Variants in HERC2 observed in about 807,000 individuals in gnomAD.
HERC2 encodes HECT and RLD domain containing E3 ubiquitin protein ligase 2.
A neutral mutation model predicts 537.7 loss-of-function variants in HERC2; 102 were observed. The observed-to-expected ratio is 0.19, with a 90% confidence interval of 0.16 to 0.22. The LOEUF (loss-of-function observed/expected upper bound fraction) is 0.22. HERC2 is among the 10% of genes least tolerant of loss of function. The probability of loss-of-function intolerance (pLI) is 1.00; values close to 1 mark genes in which losing one functional copy is unlikely to be tolerated. For missense variants in HERC2, 4,236 were observed against 6,198.2 expected, an observed-to-expected ratio of 0.68 and a Z score of 10.63; for synonymous variants, 2,224 against 2,466.2, an observed-to-expected ratio of 0.90 and a Z score of 2.91.
At chr15:28,274,473 G>GC (rs758809724) in intron 6 of HERC2, 26 bp from the exon 7 acceptor site, 39 of 1,580,988 alleles carry the variant, frequency 2.5e-5, no homozygotes, top group South Asian at 1.6e-4. Context: ...CGTCAGAGGA[G>GC]CCCCCCCACT....
Position 28,141,750 on chromosome 15 carries a change from G to C in HERC2, c.11797C>G (p.Leu3933Val), listed in dbSNP as rs1401408632. The C allele has an allele frequency of 6.2e-7, 1 of 1,614,104 alleles. No individual in the cohort carries two copies. Among genetic ancestry groups the C allele is most frequent in the Non-Finnish European group, 8.5e-7 (1 of 1,179,942 alleles). ...DIFKREQDEQ[L>V]VQWMNRRPDD... The stretch of plus-strand genomic sequence containing the variant: ...AATAACCTGTTCATCCACTGCACAA[G>C]TTGTTCGTCTTGCTCTCTTTTAAAA... Residue 3933 changes from leucine to valine, a missense_variant, in exon 77 of 93, where the codon CTT becomes GTT. By Grantham distance (32) the Leu-to-Val change is conservative (BLOSUM62 1). Transcript: ENST00000261609.
chr15:28,264,923 G>A (rs563227322), intron 14 of HERC2, among the ~76,000 whole-genome samples: 8 of 152,116 alleles, frequency 5.3e-5, no homozygotes, highest in Non-Finnish European at 8.8e-5. Context: ...CAGCAGGACC[G>A]ACATACAGGG....
chr15:28,257,311 G>C, intron 16 of HERC2, 50 bp from the exon 17 acceptor site: 3 of 1,530,158 alleles, frequency 2.0e-6, no homozygotes, highest in Non-Finnish European at 2.7e-6. Context: ...GCAGCTGCTG[G>C]TCTGCTCCAC....
At chr15:28,240,634 T>C (rs956207091) in intron 23 of HERC2, among the ~76,000 whole-genome samples, 13 of 151,918 alleles carry the variant, frequency 8.6e-5, no homozygotes, top group Admixed American at 7.9e-4. Flanking sequence ...GCAAGAAAAA[T>C]AGCAGATTAA....
At chr15:28,117,236 G>T in intron 86 of HERC2, 82 bp from the exon 87 acceptor site, 1 of 1,382,884 alleles carries the variant, frequency 7.2e-7, no homozygotes, top group Non-Finnish European at 1.0e-6. Context: ...ACTGGCGAAT[G>T]CACGAGGAGG....
chr15:28,224,166 C>CACACACACACACACAGAG (rs748053596), intron 35 of HERC2, among the ~76,000 whole-genome samples: 31 of 147,754 alleles, frequency 2.1e-4, no homozygotes, highest in African/African-American at 7.0e-4. Context: ...CACACACACA[C>CACACACACACACACAGAG]AGAGAGAGAG....
intron 65 of HERC2, 46 bp from the exon 66 acceptor site, chr15:28,169,701 T>C (rs1382326101): frequency 6.4e-7 from 1 of 1,564,588 alleles, no homozygotes; most frequent in Non-Finnish European, 8.7e-7. Flanking sequence ...AATCACAGTT[T>C]GATCTATTTC....
At chr15:28,307,136 G>C (rs185962561) in intron 2 of HERC2, among the ~76,000 whole-genome samples, 41 of 152,256 alleles carry the variant, frequency 2.7e-4, no homozygotes, top group Admixed American at 8.5e-4. Flanking sequence ...CGCCCGGCCT[G>C]CAAACTTATC....
At chr15:28,313,192 ATTTTT>A (rs57465951) in intron 2 of HERC2, among the ~76,000 whole-genome samples, 1 of 95,142 alleles carries the variant, frequency 1.1e-5, no homozygotes, top group Non-Finnish European at 2.2e-5. Flanking sequence ...CAGTTAAGGC[ATTTTT>A]TTTTTTTTTT....
At chr15:28,117,947 A>T (rs980219025) in intron 86 of HERC2, 3 of 243,052 alleles carry the variant, frequency 1.2e-5, no homozygotes, top group Non-Finnish European at 2.4e-5. Flanking sequence ...AGAAAAATTG[A>T]AGAAAAAATG....
At chr15:28,272,507 A>G in intron 8 of HERC2, 121 bp from the exon 9 acceptor site, 1 of 901,506 alleles carries the variant, frequency 1.1e-6, no homozygotes, top group Non-Finnish European at 1.7e-6. Context: ...TTGAAAGGAA[A>G]CTAAACTAAA....
chr15:28,277,985 G>A (rs1007506836), intron 5 of HERC2, among the ~76,000 whole-genome samples: 7 of 152,126 alleles, frequency 4.6e-5, no homozygotes, highest in African/African-American at 1.7e-4. Context: ...GCCAGGCACA[G>A]TGGCTCACAC....
chr15:28,198,370 A>G lies in HERC2; in HGVS notation c.8011+8T>C, dbSNP rs1344034065. 15 of 1,610,046 alleles carry G rather than the reference A, an allele frequency of 9.3e-6. No individual in the cohort carries two copies. The highest frequency in any genetic ancestry group is 2.7e-5 in the African/African-American group (2 of 74,760). ...ACATCAGGAATTTTATTACCCAGAT[A>G]ATATTACCTTTCACAACCCCCACAC... On this transcript the variant is annotated splice_region_variant and intron_variant, in intron 50 of 92. Transcript: ENST00000261609.
At chr15:28,312,587 C>T (rs1333034652) in intron 2 of HERC2, among the ~76,000 whole-genome samples, 398 of 152,058 alleles carry the variant, frequency 2.6e-3, no homozygotes, top group African/African-American at 9.4e-3. Context: ...GCTCTGATCA[C>T]ACCACAGCAT....
chr15:28,271,812 G>A (rs551103991), intron 9 of HERC2, among the ~76,000 whole-genome samples: 45 of 152,314 alleles, frequency 3.0e-4, no homozygotes, highest in Admixed American at 5.9e-4. Flanking sequence ...TAGGCCCAGG[G>A]CCCCGCACGC....
chr15:28,288,390 G>A (rs80344102), intron 4 of HERC2, among the ~76,000 whole-genome samples: 9,462 of 146,718 alleles, frequency 0.064, 725 homozygotes, highest in East Asian at 0.41. Context: ...GCCAGGTGTG[G>A]TGGCGTATGC....
chr15:28,217,152 TCACTGACTTA>T (rs1432193328), intron 38 of HERC2, among the ~76,000 whole-genome samples: 15 of 152,262 alleles, frequency 9.9e-5, no homozygotes, highest in East Asian at 1.9e-4. Context: ...TCACCAACCC[TCACTGACTTA>T]CACTGACTTA....
Position 28,270,859 on chromosome 15 carries a change from C to A in HERC2, c.1093G>T (p.Gly365Cys). 1 of 1,613,412 alleles carries A rather than the reference C, an allele frequency of 6.2e-7. No individual in the cohort carries two copies. The highest frequency in any genetic ancestry group is 2.2e-5 in the East Asian group (1 of 44,884). ...HSEGDMHLLS[G>C]PLSPNESFLR... is the part of the protein sequence containing the mutation. Reference sequence around the variant, plus strand: ...AAACTCTCATTGGGGCTCAGAGGGCCAGACAAAAGCTAGAAAGGAAAAGTA... The same window carrying A: ...AAACTCTCATTGGGGCTCAGAGGGCAAGACAAAAGCTAGAAAGGAAAAGTA... Residue 365 changes from glycine (G) to cysteine (C), a missense_variant, in exon 10 of 93, where the codon GGC becomes TGC. By Grantham distance (159) the Gly-to-Cys change is radical (BLOSUM62 -3). Transcript: ENST00000261609.
chr15:28,150,105 AAC>A (rs922117912), intron 70 of HERC2, among the ~76,000 whole-genome samples: 17 of 152,130 alleles, frequency 1.1e-4, no homozygotes, highest in African/African-American at 3.1e-4. Flanking sequence ...ATTACCGAAA[AAC>A]ACACACGGCT....
Sources: allele counts gnomAD v4.1 joint callset (sites outside exome capture counted in the v4.1 genomes callset), GRCh38; gene constraint gnomAD v4.1.1; transcripts MANE v1.5; gene names NCBI Gene and HGNC (gene_info 2026-07-23, HGNC 2026-07-21).